DLGAP4: variants seen among roughly 807,000 people sequenced by gnomAD.
The protein encoded by DLGAP4 is DLG associated protein 4, also known as disks large-associated protein 4.
Under a neutral mutation model 86.9 loss-of-function variants are expected in DLGAP4, and 18 were observed. That is an observed-to-expected ratio of 0.21 (90% CI 0.14 to 0.31). The LOEUF is 0.31. Ranked by LOEUF, DLGAP4 falls within the 10% of genes least tolerant of loss-of-function variation. The probability of loss-of-function intolerance (pLI) is 1.00; values close to 1 mark genes in which losing one functional copy is unlikely to be tolerated. For missense variants in DLGAP4, 1,085 were observed against 1,362.6 expected, an observed-to-expected ratio of 0.80 and a Z score of 3.21; for synonymous variants, 548 against 574.3, an observed-to-expected ratio of 0.95 and a Z score of 0.65.
intron 7 of DLGAP4, among the ~76,000 whole-genome samples, chr20:36,457,076 A>T (rs559664519): frequency 1.3e-5 from 2 of 152,308 alleles, no homozygotes; most frequent in African/African-American, 4.8e-5. Context: ...GGCAGACAAA[A>T]CAATAAACAT....
intron 2 of DLGAP4, among the ~76,000 whole-genome samples, chr20:36,384,195 A>AG (rs2031513154): frequency 1.3e-5 from 2 of 152,054 alleles, no homozygotes; most frequent in Admixed American, 1.3e-4. Flanking sequence ...TGCTGATGTC[A>AG]GGGGTGTTGT....
intron 1 of DLGAP4, among the ~76,000 whole-genome samples, chr20:36,319,701 A>G (rs2065146704): frequency 6.6e-6 from 1 of 152,158 alleles, no homozygotes; most frequent in Admixed American, 6.5e-5. Flanking sequence ...CTCGTGACTC[A>G]CAGTCCAGTG....
intron 7 of DLGAP4, chr20:36,462,407 C>T: frequency 6.8e-7 from 1 of 1,467,588 alleles, no homozygotes; most frequent in African/African-American, 1.5e-5. Flanking sequence ...GCCTCTTGCG[C>T]TGAAGGCCCC....
At chr20:36,417,357 T>G (rs1600502924) in intron 2 of DLGAP4, among the ~76,000 whole-genome samples, 1 of 130,720 alleles carries the variant, frequency 7.6e-6, no homozygotes, top group Non-Finnish European at 1.7e-5. Flanking sequence ...CAGGCTGGAG[T>G]TTGAGTTTTG....
At chr20:36,499,376 C>A in intron 8 of DLGAP4, 2 of 1,549,700 alleles carry the variant, frequency 1.3e-6, no homozygotes, top group East Asian at 2.3e-5. Flanking sequence ...CCTGCCCGCC[C>A]GCCCGCCTGC....
rs2032693702 is a variant in DLGAP4 at position 36,417,549 on chromosome 20, AT to A, written c.-72-14090del. On this transcript the variant is annotated intron_variant, in intron 2 of 12. Coordinates refer to ENST00000339266, the MANE Select transcript of DLGAP4 (RefSeq NM_001365621.2). The stretch of plus-strand genomic sequence containing the variant: ...GGTGTACACGGCTACACCTGGCCAA[AT>A]TTTTTTAATGTTTTGGAGCGACAGG... Among the ~76,000 whole-genome samples, 5 of 151,730 alleles carry A rather than the reference AT, an allele frequency of 3.3e-5. No homozygotes were observed. In the South Asian group the frequency reaches 1.0e-3, roughly 32 times the overall value.
Position 36,477,743 on chromosome 20 carries a change from A to G in DLGAP4, c.1649-18962A>G, listed in dbSNP as rs2035010133. ...TGACTCAGAGTCAGTGAGACAGATG[A>G]TGGACTTCCTTTGCAGTTTTGAGAA... On this transcript the variant is annotated intron_variant, in intron 7 of 12. Transcript: ENST00000339266. Among the ~76,000 whole-genome samples, 3 of 152,362 alleles carry G rather than the reference A, an allele frequency of 2.0e-5. No homozygotes were observed. The South Asian group carries it at 6.2e-4, about 32-fold the overall frequency.
At chr20:36,501,657 CT>C (rs1266118001) in intron 10 of DLGAP4, among the ~76,000 whole-genome samples, 2 of 152,110 alleles carry the variant, frequency 1.3e-5, no homozygotes, top group Admixed American at 6.6e-5. Flanking sequence ...TCCCATTGAG[CT>C]ACTCCTCCAC....
At chr20:36,521,922 G>T (rs1440164731) in intron 10 of DLGAP4, among the ~76,000 whole-genome samples, 1 of 152,108 alleles carries the variant, frequency 6.6e-6, no homozygotes, top group Non-Finnish European at 1.5e-5. Context: ...TCTTAATGAG[G>T]TGAATTCTTT....
chr20:36,329,335 TA>T (rs1422768326), intron 1 of DLGAP4, among the ~76,000 whole-genome samples: 2 of 152,240 alleles, frequency 1.3e-5, no homozygotes, highest in African/African-American at 4.8e-5. Context: ...GGTCACCAGT[TA>T]TGTGACCTGG....
intron 1 of DLGAP4, among the ~76,000 whole-genome samples, chr20:36,356,305 G>A (rs1388984106): frequency 6.6e-6 from 1 of 151,616 alleles, no homozygotes; most frequent in East Asian, 1.9e-4. Context: ...GTTTTTGTTT[G>A]TTTGTTTGTT....
chr20:36,446,646 C>T, intron 6 of DLGAP4, 51 bp from the exon 7 acceptor site: 4 of 1,548,464 alleles, frequency 2.6e-6, no homozygotes, highest in Non-Finnish European at 3.5e-6. Context: ...ACCGCTCCCC[C>T]CAGGATGGGC....
At chr20:36,446,961 G>A (rs1437055471) in intron 7 of DLGAP4, 24 bp downstream of exon 7, 27 of 1,581,526 alleles carry the variant, frequency 1.7e-5, no homozygotes, top group Middle Eastern at 3.4e-4. Context: ...TGAGGGAAGG[G>A]GTTTTTTTTC....
intron 1 of DLGAP4, among the ~76,000 whole-genome samples, chr20:36,349,728 G>C (rs2030081434): frequency 6.6e-6 from 1 of 152,182 alleles, no homozygotes. Context: ...GTACCCACAT[G>C]TCATGATTTG....
chr20:36,363,951 G>A (rs1266383123), intron 1 of DLGAP4, among the ~76,000 whole-genome samples: 7 of 152,190 alleles, frequency 4.6e-5, no homozygotes, highest in African/African-American at 1.4e-4. Flanking sequence ...AGCCAGTAAC[G>A]GGCAGGAGGG....
chr20:36,439,256 A>G (rs945065611), intron 4 of DLGAP4, among the ~76,000 whole-genome samples: 5 of 152,166 alleles, frequency 3.3e-5, no homozygotes, highest in African/African-American at 1.2e-4. Flanking sequence ...GTAAGGGGTA[A>G]TGACTTGCCC....
At chr20:36,416,225 G>A (rs1315713730) in intron 2 of DLGAP4, among the ~76,000 whole-genome samples, 2 of 152,138 alleles carry the variant, frequency 1.3e-5, no homozygotes, top group East Asian at 1.9e-4. Context: ...GGGTTCAAGC[G>A]ATTCTCCTGC....
At chr20:36,322,099 G>C (rs781791485) in intron 1 of DLGAP4, among the ~76,000 whole-genome samples, 2 of 152,212 alleles carry the variant, frequency 1.3e-5, no homozygotes, top group Non-Finnish European at 2.9e-5. Flanking sequence ...CATGGGCCCT[G>C]ACTGGAGTCA....
chr20:36,472,500 CAAAAAA>C (rs1217814412), intron 7 of DLGAP4, among the ~76,000 whole-genome samples: 5 of 76,352 alleles, frequency 6.5e-5, no homozygotes, highest in East Asian at 7.9e-4. Context: ...AACCCTGTCT[CAAAAAA>C]AAAAAAAAAA....
Sources: gnomAD v4.1 joint callset for allele counts (sites outside exome capture counted in the v4.1 genomes callset) on GRCh38, gnomAD v4.1.1 for gene constraint, MANE v1.5 for transcripts, NCBI Gene and HGNC (gene_info 2026-07-23, HGNC 2026-07-21) for gene names.